The following MAP3K13 variants were observed in gnomAD, a reference collection of about 807,000 sequenced individuals.
MAP3K13 encodes mitogen-activated protein kinase kinase kinase 13, also known as leucine zipper-bearing kinase.
In MAP3K13, 52 loss-of-function variants were observed where a neutral mutation model predicts 104.0. The ratio of observed to expected loss-of-function variants is 0.50; its 90% CI spans 0.40 to 0.63. MAP3K13 has a LOEUF of 0.63. MAP3K13 is among the 20% of genes least tolerant of loss of function. The pLI is 0.00. For synonymous variants in MAP3K13, 394 were observed against 442.2 expected (o/e 0.89, Z 1.37); for missense variants, 914 against 1,218.5 (o/e 0.75, Z 3.72).
At chr3:185,290,334 A>G (rs1336320649) in intron 2 of MAP3K13, among the ~76,000 whole-genome samples, 1 of 152,194 alleles carries the variant, frequency 6.6e-6, no homozygotes, top group Non-Finnish European at 1.5e-5. Context: ...ATCCTTTATC[A>G]CTATAATATT....
intron 2 of MAP3K13, among the ~76,000 whole-genome samples, chr3:185,342,452 T>G (rs1362106782): frequency 2.0e-5 from 3 of 152,130 alleles, no homozygotes; most frequent in Non-Finnish European, 4.4e-5. Context: ...AACTCCAAGA[T>G]GACATAGACA....
rs142665769 is a variant in MAP3K13, at chr3:185,306,944, G to C, written c.-86+21301G>C. The stretch of plus-strand genomic sequence containing the variant: ...TATTTAAACTCCTTCAGTTTTGAAG[G>C]ACAGTTTTGCTGGCTACAGTATTTC... On this transcript the variant is annotated intron_variant, in intron 2 of 14. Transcript: ENST00000424227. Among the ~76,000 whole-genome samples, 475 of 152,282 alleles carry C rather than the reference G, an allele frequency of 3.1e-3. 2 individuals are homozygous for C. Among genetic ancestry groups the C allele is most frequent in the African/African-American group, 0.01 (436 of 41,558 alleles).
At chr3:185,454,909 T>C (rs796483592) in intron 7 of MAP3K13, among the ~76,000 whole-genome samples, 149 of 95,040 alleles carry the variant, frequency 1.6e-3, no homozygotes, top group East Asian at 6.0e-3. Context: ...ATATATATGA[T>C]ATATATATGA....
intron 2 of MAP3K13, among the ~76,000 whole-genome samples, chr3:185,308,827 T>C (rs1721396767): frequency 6.6e-6 from 1 of 152,212 alleles, no homozygotes; most frequent in South Asian, 2.1e-4. Flanking sequence ...GGGGAAGGCC[T>C]ATTATGGGTG....
At position 185,332,896 on chromosome 3, in the gene MAP3K13, GC is replaced by G. The variant is rs546207584; in HGVS notation, c.-86+47254del. 2.5e-3 allele frequency among the ~76,000 whole-genome samples: 381 copies of G among 152,230 alleles called. 4 individuals are homozygous for G. Among genetic ancestry groups the G allele is most frequent in the East Asian group, 4.0e-3 (21 of 5,186 alleles). On this transcript the variant is annotated intron_variant, in intron 2 of 14. Transcript: ENST00000424227. The stretch of plus-strand genomic sequence containing the variant: ...TGAGGTCCTGCTTTCAGTTCTTTTG[GC>G]TATATACCCAGCAATGGGATTGTTG...
chr3:185,399,255 C>G (rs1712613444), intron 1 of MAP3K13, among the ~76,000 whole-genome samples: 1 of 151,952 alleles, frequency 6.6e-6, no homozygotes, highest in Non-Finnish European at 1.5e-5. Context: ...ATGCTGATCA[C>G]CAAGCTGAGG....
At position 185,450,916 on chromosome 3, in the gene MAP3K13, C is replaced by T. The variant is rs566640583; in HGVS notation, c.1170-371C>T. ...CATCCTGGTTAACACGATGAAACCC[C>T]GTCTCTACTAAAAATACAAAAAAAT... On this transcript the variant is annotated intron_variant, in intron 6 of 13. Transcript: ENST00000265026. This position sits in a 1 kb window ranked among gnomAD's most constrained non-coding sequence, Gnocchi z 4.2. Among the ~76,000 whole-genome samples, 8 of 152,288 alleles carry T rather than the reference C, an allele frequency of 5.3e-5. No homozygotes were observed. Among genetic ancestry groups the T allele is most frequent in the East Asian group, 1.9e-4 (1 of 5,176 alleles).
intron 7 of MAP3K13, among the ~76,000 whole-genome samples, chr3:185,454,401 T>TATATGAG (rs1716147560): frequency 5.2e-5 from 1 of 19,236 alleles, no homozygotes; most frequent in South Asian, 1.9e-3. Context: ...ATATATGAGA[T>TATATGAG]ATATATATGA....
chr3:185,452,330 C>T (rs2148898485), intron 7 of MAP3K13, among the ~76,000 whole-genome samples: 1 of 152,176 alleles, frequency 6.6e-6, no homozygotes, highest in Non-Finnish European at 1.5e-5. Flanking sequence ...CTCAAGCAAC[C>T]CTCCCACTTC....
chr3:185,394,069 T>C lies in MAP3K13; in HGVS notation c.-86+30701T>C, dbSNP rs144338495. 3.3e-3 allele frequency among the ~76,000 whole-genome samples: 500 copies of C among 152,136 alleles called. 4 individuals carry two copies. Among genetic ancestry groups the C allele is most frequent in the African/African-American group, 0.011 (466 of 41,504 alleles). On this transcript the variant is annotated intron_variant, in intron 1 of 13. Coordinates refer to ENST00000265026, the MANE Select transcript of MAP3K13 (RefSeq NM_004721.5). ...AACAGGAGGGTACAAGGGGAAAGTT[T>C]TGGAGGCAAGGGAGAATGAGAGGTG...
chr3:185,418,417 C>A lies in MAP3K13; in HGVS notation c.-85-10080C>A, dbSNP rs967886930. On this transcript the variant is annotated intron_variant, in intron 1 of 13. Coordinates refer to ENST00000265026, the MANE Select transcript of MAP3K13 (RefSeq NM_004721.5). The surrounding 1 kb of genome is among the most constrained non-coding windows in gnomAD (Gnocchi z 4.5). The stretch of plus-strand genomic sequence containing the variant: ...AGCCAGGGCAGAACAGATGGCATAT[C>A]GTTTTTGGGTTGTGTTCACTCTACG... 1 of 1,608,272 alleles carries A rather than the reference C, an allele frequency of 6.2e-7. No homozygotes were observed. The highest frequency in any genetic ancestry group is 8.5e-7 in the Non-Finnish European group (1 of 1,176,452).
In MAP3K13 at chr3:185,379,026, T is replaced by G. The variant is rs371585421; in HGVS notation, c.-86+15658T>G. On this transcript the variant is annotated intron_variant, in intron 1 of 13. Coordinates refer to ENST00000265026, the MANE Select transcript of MAP3K13 (RefSeq NM_004721.5). ...GGAATGAAGGGTGGAAGGTTGCCCA[T>G]GGTGAAGGAGGCAAGTTTAAAGAGA... Among the ~76,000 whole-genome samples the G allele has an allele frequency of 2.1e-4, 32 of 152,112 alleles. 1 individual carries two copies. The South Asian group carries it at 6.6e-3, about 32-fold the overall frequency.
At chr3:185,323,286 TTCTATTCCAGGA>T (rs1345909477) in intron 2 of MAP3K13, among the ~76,000 whole-genome samples, 4 of 152,158 alleles carry the variant, frequency 2.6e-5, no homozygotes, top group African/African-American at 9.7e-5. Flanking sequence ...ACTGTAGTTT[TTCTATTCCAGGA>T]TCTAATCCAG....
rs372313966 is a variant in MAP3K13, at chr3:185,473,702, G to A, written c.2371G>A (p.Gly791Ser). ...FSGCRSESSL[G>S]TSHLGTPPAL... is the part of the protein sequence containing the mutation. The stretch of plus-strand genomic sequence containing the variant: ...CGGCTGTAGGTCTGAGTCATCCCTC[G>A]GCACCTCTCATCTCGGCACCCCTCC... The change falls in exon 11 of 14, where the codon GGC becomes AGC. Residue 791 changes from glycine to serine, a missense_variant. Transcript: ENST00000265026. The surrounding 1 kb of genome is among the most constrained non-coding windows in gnomAD (Gnocchi z 4.9). The A allele has an allele frequency of 1.1e-5, 18 of 1,613,888 alleles. No homozygotes were observed. The highest frequency in any genetic ancestry group is 4.0e-5 in the African/African-American group (3 of 74,884).
intron 2 of MAP3K13, among the ~76,000 whole-genome samples, chr3:185,286,398 A>G (rs1429817217): frequency 6.6e-6 from 1 of 152,116 alleles, no homozygotes; most frequent in Non-Finnish European, 1.5e-5. Flanking sequence ...TTAATTCTAT[A>G]GCAGGCAGTA....
At chr3:185,360,650 T>A (rs1331893247), upstream of MAP3K13, among the ~76,000 whole-genome samples, 1 of 152,108 alleles carries the variant, frequency 6.6e-6, no homozygotes, top group African/African-American at 2.4e-5. Flanking sequence ...CCCAAGTTTT[T>A]ATTTTCCAGG....
intron 1 of MAP3K13, among the ~76,000 whole-genome samples, chr3:185,367,383 AAGAG>A (rs1006324597): frequency 6.6e-6 from 1 of 152,032 alleles, no homozygotes; most frequent in Non-Finnish European, 1.5e-5. Flanking sequence ...CTTAGAACAG[AAGAG>A]AGAGAGAGAC....
At chr3:185,454,896 G>GATATATATC (rs1560117822) in intron 7 of MAP3K13, among the ~76,000 whole-genome samples, 3 of 50,770 alleles carry the variant, frequency 5.9e-5, no homozygotes, top group East Asian at 6.6e-4. Context: ...ATATATATGA[G>GATATATATC]ATATATATAT....
intron 1 of MAP3K13, among the ~76,000 whole-genome samples, chr3:185,400,250 G>C (rs185466474): frequency 2.0e-5 from 3 of 152,152 alleles, no homozygotes; most frequent in Non-Finnish European, 2.9e-5. Context: ...CCGCCTCCCT[G>C]CGTCTGCGCA....
Sources: gnomAD v4.1 joint callset for allele counts (sites outside exome capture counted in the v4.1 genomes callset) on GRCh38, gnomAD v4.1.1 for gene constraint, Gnocchi (gnomAD v3.1) non-coding constraint, MANE v1.5 for transcripts, NCBI Gene and HGNC (gene_info 2026-07-23, HGNC 2026-07-21) for gene names.